Variants in TOM1L2 observed in about 807,000 individuals in gnomAD.
TOM1L2 encodes TOM1-like protein 2.
In TOM1L2, 31 loss-of-function variants were observed where a neutral mutation model predicts 67.9. The ratio of observed to expected loss-of-function variants is 0.46; its 90% CI spans 0.34 to 0.62. The LOEUF (loss-of-function observed/expected upper bound fraction) is 0.62, where lower values mean the gene tolerates loss of function less well. Among genes scored for constraint, TOM1L2 ranks in the 20% least tolerant of loss-of-function variants. The probability of loss-of-function intolerance (pLI) is 0.01; values close to 1 mark genes in which losing one functional copy is unlikely to be tolerated. For synonymous variants in TOM1L2, 256 were observed against 254.0 expected (o/e 1.01, Z -0.07); for missense variants, 606 against 663.5 (o/e 0.91, Z 0.95).
At chr17:17,949,069 G>T (rs968728143) in intron 1 of TOM1L2, among the ~76,000 whole-genome samples, 1 of 152,206 alleles carries the variant, frequency 6.6e-6, no homozygotes, top group Non-Finnish European at 1.5e-5. Flanking sequence ...TGAGGTGAAA[G>T]CAGGTCAGGG....
chr17:17,875,092 A>G (rs2037355223), intron 7 of TOM1L2, among the ~76,000 whole-genome samples: 1 of 152,058 alleles, frequency 6.6e-6, no homozygotes, highest in Non-Finnish European at 1.5e-5. Context: ...CCCCATCTCT[A>G]CTAAAAATAC....
At chr17:17,911,899 A>C (rs1357219955) in intron 1 of TOM1L2, among the ~76,000 whole-genome samples, 1 of 148,764 alleles carries the variant, frequency 6.7e-6, no homozygotes, top group Non-Finnish European at 1.5e-5. Context: ...AACAAAGCAC[A>C]TCTTGCACCG....
At chr17:17,863,563 C>T (rs2036679174) in intron 10 of TOM1L2, among the ~76,000 whole-genome samples, 3 of 130,568 alleles carry the variant, frequency 2.3e-5, no homozygotes, top group African/African-American at 8.5e-5. Context: ...AGACACTAGA[C>T]TTTTTTTTTT....
chr17:17,932,580 G>C (rs1256619830), intron 1 of TOM1L2, among the ~76,000 whole-genome samples: 1 of 152,136 alleles, frequency 6.6e-6, no homozygotes, highest in African/African-American at 2.4e-5. Flanking sequence ...GAAGTAGCAT[G>C]GCTGTATTGT....
At chr17:17,875,914 A>G (rs953366195) in intron 7 of TOM1L2, among the ~76,000 whole-genome samples, 1 of 152,264 alleles carries the variant, frequency 6.6e-6, no homozygotes, top group Non-Finnish European at 1.5e-5. Context: ...TTCTCTAGAG[A>G]AAATGGCCTT....
At chr17:17,896,981 A>T (rs1284293322) in intron 3 of TOM1L2, among the ~76,000 whole-genome samples, 1 of 152,068 alleles carries the variant, frequency 6.6e-6, no homozygotes, top group Non-Finnish European at 1.5e-5. Flanking sequence ...TGCGCATTTC[A>T]CAGGCCTCCC....
In TOM1L2 at chr17:17,879,596, A is replaced by G. The variant is rs776785602; in HGVS notation, c.777+31T>C. ...AGTGTACGGTGGAAGAGCTGCCACC[A>G]CAGGCCAAGTGCTTCTGAAAGATGA... On this transcript the variant is annotated intron_variant, in intron 7 of 14. Transcript: ENST00000379504. 7 of 1,576,526 alleles carry G rather than the reference A, an allele frequency of 4.4e-6. No individual in the cohort carries two copies. In the African/African-American group the frequency reaches 8.1e-5, roughly 18 times the overall value.
At chr17:17,953,956 C>A (rs572610189) in intron 1 of TOM1L2, among the ~76,000 whole-genome samples, 4 of 152,366 alleles carry the variant, frequency 2.6e-5, no homozygotes, top group Admixed American at 2.0e-4. Flanking sequence ...TCAGGACAGG[C>A]ATAGGACAGG....
chr17:17,918,582 C>A (rs2039727589), intron 1 of TOM1L2, among the ~76,000 whole-genome samples: 1 of 152,018 alleles, frequency 6.6e-6, no homozygotes, highest in African/African-American at 2.4e-5. Context: ...TCTTTGCAAG[C>A]CCTGAGAAAG....
intron 1 of TOM1L2, among the ~76,000 whole-genome samples, chr17:17,930,279 C>T (rs768031454): frequency 6.6e-6 from 1 of 152,068 alleles, no homozygotes; most frequent in Non-Finnish European, 1.5e-5. Flanking sequence ...AAACTTTAGC[C>T]CATTCTCCTA....
At chr17:17,917,590 T>C (rs1057208343) in intron 1 of TOM1L2, among the ~76,000 whole-genome samples, 1 of 151,006 alleles carries the variant, frequency 6.6e-6, no homozygotes, top group Admixed American at 6.6e-5. Context: ...CATGCCACCA[T>C]GCCTGGCTTC....
intron 5 of TOM1L2, among the ~76,000 whole-genome samples, chr17:17,884,256 C>A (rs1389687303): frequency 6.6e-6 from 1 of 152,096 alleles, no homozygotes; most frequent in Non-Finnish European, 1.5e-5. Context: ...CTTTTTGACC[C>A]AAGAGTGACA....
intron 1 of TOM1L2, among the ~76,000 whole-genome samples, chr17:17,918,617 G>C (rs780483960): frequency 1.3e-5 from 2 of 152,170 alleles, no homozygotes; most frequent in African/African-American, 2.4e-5. Flanking sequence ...TGTCTGGAAA[G>C]CCTTCTCTCC....
chr17:17,950,024 C>A (rs2041127039), intron 1 of TOM1L2, among the ~76,000 whole-genome samples: 1 of 152,100 alleles, frequency 6.6e-6, no homozygotes. Flanking sequence ...GCGCCCACCA[C>A]CATGCCTGGC....
intron 1 of TOM1L2, among the ~76,000 whole-genome samples, chr17:17,917,589 A>G (rs1420476630): frequency 6.7e-6 from 1 of 149,924 alleles, no homozygotes; most frequent in Non-Finnish European, 1.5e-5. Context: ...GCATGCCACC[A>G]TGCCTGGCTT....
intron 1 of TOM1L2, among the ~76,000 whole-genome samples, chr17:17,934,817 G>A (rs1425826148): frequency 6.6e-6 from 1 of 152,160 alleles, no homozygotes; most frequent in Non-Finnish European, 1.5e-5. Context: ...GCCTACAATG[G>A]TAGTGTTTTA....
At chr17:17,931,735 T>C (rs911005014) in intron 1 of TOM1L2, among the ~76,000 whole-genome samples, 1 of 152,190 alleles carries the variant, frequency 6.6e-6, no homozygotes, top group Non-Finnish European at 1.5e-5. Context: ...CAGATCCAGG[T>C]TCAGAACGCA....
At chr17:17,922,714 C>T (rs1598344820) in intron 1 of TOM1L2, among the ~76,000 whole-genome samples, 1 of 152,158 alleles carries the variant, frequency 6.6e-6, no homozygotes, top group Non-Finnish European at 1.5e-5. Context: ...ATATAAGACA[C>T]GAAACAGGGA....
chr17:17,866,347 C>T lies in TOM1L2; in HGVS notation c.1033G>A (p.Val345Met). 6.2e-7 allele frequency: 1 copy of T among 1,611,908 alleles called. No individual in the cohort carries two copies. Among genetic ancestry groups the T allele is most frequent in the Non-Finnish European group, 8.5e-7 (1 of 1,179,062 alleles). ...GAAGATGGGGGCGCTGTGTTCCCCA[C>T]CATTGGGCTCACCACGGCTGGAGAC... The part of the protein sequence containing the change: ...PGSPAVVSPM[V>M]GNTAPPSSLS... Residue 345 changes from valine to methionine, a missense_variant, in exon 10 of 15, where the codon GTG becomes ATG. By Grantham distance (21) the Val-to-Met change is conservative. Around this residue, in one of 2 missense-constraint regions of TOM1L2, gnomAD observed 543 missense variants for 554.0 expected, o/e 0.98. Transcript: ENST00000379504.
Sources: allele counts gnomAD v4.1 joint callset (sites outside exome capture counted in the v4.1 genomes callset), GRCh38; gene constraint gnomAD v4.1.1; regional missense constraint gnomAD v4.1.1; transcripts MANE v1.5; gene names NCBI Gene and HGNC (gene_info 2026-07-23, HGNC 2026-07-21).